BMPER: variants seen among roughly 807,000 people sequenced by gnomAD.
BMPER encodes BMP binding endothelial regulator.
Under a neutral mutation model 87.3 loss-of-function variants are expected in BMPER, and 45 were observed. The observed-to-expected ratio is 0.52, with a 90% CI of 0.41 to 0.66. The LOEUF is 0.66. Among genes scored for constraint, BMPER ranks in the 30% least tolerant of loss-of-function variants. The probability of loss-of-function intolerance (pLI) is 0.00; values close to 1 mark genes in which losing one functional copy is unlikely to be tolerated. For synonymous variants in BMPER, 326 were observed against 316.2 expected (o/e 1.03, Z -0.33); for missense variants, 784 against 867.5 (o/e 0.90, Z 1.21).
At chr7:34,037,782 A>G (rs1474314321) in intron 6 of BMPER, among the ~76,000 whole-genome samples, 2 of 152,236 alleles carry the variant, frequency 1.3e-5, no homozygotes, top group African/African-American at 2.4e-5. Flanking sequence ...GGCGAATAAG[A>G]CGAAAACATT....
intron 2 of BMPER, among the ~76,000 whole-genome samples, chr7:33,927,244 TTC>T (rs1435320157): frequency 1.3e-5 from 2 of 152,188 alleles, no homozygotes; most frequent in African/African-American, 4.8e-5. Flanking sequence ...GTGAAAAATC[TTC>T]TGTTTCATTG....
At position 33,995,638 on chromosome 7, in the gene BMPER, A is replaced by G. The variant is rs79167920; in HGVS notation, c.576+20854A>G. On this transcript the variant is annotated intron_variant, in intron 6 of 14. Transcript: ENST00000649409. ...ATTTGGAAGAGCTTTGAGGTTCTCT[A>G]AGCAGACAGAGACCCCTGCTGTTTT... Among the ~76,000 whole-genome samples the G allele has an allele frequency of 1.8e-3, 276 of 152,314 alleles. 6 individuals carry two copies. In the East Asian group the frequency reaches 0.05, roughly 28 times the overall value.
intron 13 of BMPER, among the ~76,000 whole-genome samples, chr7:34,124,076 G>T (rs548008293): frequency 1.3e-5 from 2 of 152,254 alleles, no homozygotes; most frequent in African/African-American, 4.8e-5. Flanking sequence ...GTTCCTGAAT[G>T]TTGTTGACAT....
intron 6 of BMPER, among the ~76,000 whole-genome samples, chr7:33,979,331 T>C (rs1785780857): frequency 6.6e-6 from 1 of 151,284 alleles, no homozygotes; most frequent in African/African-American, 2.4e-5. Flanking sequence ...TCTTTCCAAG[T>C]CTGTTACCAC....
intron 2 of BMPER, among the ~76,000 whole-genome samples, chr7:33,933,299 A>G (rs1196200462): frequency 2.6e-5 from 4 of 152,216 alleles, no homozygotes; most frequent in African/African-American, 4.8e-5. Context: ...TCGGTTAACT[A>G]TCTTCCTGAA....
chr7:34,151,324 T>A (rs1791170336), intron 14 of BMPER, among the ~76,000 whole-genome samples: 1 of 152,196 alleles, frequency 6.6e-6, no homozygotes. Context: ...AAAATGTGTG[T>A]GCTAGAGATG....
chr7:34,120,930 G>A (rs1220405734), intron 13 of BMPER, among the ~76,000 whole-genome samples: 5 of 151,814 alleles, frequency 3.3e-5, no homozygotes, highest in Admixed American at 6.6e-5. Flanking sequence ...GGAATATCAC[G>A]TATAATTCAT....
At chr7:34,058,253 C>A in intron 10 of BMPER, 90 bp downstream of exon 10, 1 of 1,200,026 alleles carries the variant, frequency 8.3e-7, no homozygotes, top group Non-Finnish European at 1.2e-6. Flanking sequence ...CGAACACAGA[C>A]TCCAGCTCCC....
chr7:34,107,795 G>T (rs1253113346), intron 13 of BMPER, among the ~76,000 whole-genome samples: 1 of 152,078 alleles, frequency 6.6e-6, no homozygotes, highest in Non-Finnish European at 1.5e-5. Flanking sequence ...GGTGTGTTGA[G>T]GTCTGGTGTA....
chr7:33,936,302 G>A (rs573561704), intron 2 of BMPER, among the ~76,000 whole-genome samples: 8 of 152,208 alleles, frequency 5.3e-5, no homozygotes, highest in Non-Finnish European at 7.3e-5. Context: ...GGCACTGGTA[G>A]TGCTTGCTGT....
At chr7:34,103,435 C>A (rs1005631872) in intron 13 of BMPER, among the ~76,000 whole-genome samples, 15 of 152,100 alleles carry the variant, frequency 9.9e-5, no homozygotes, top group Non-Finnish European at 2.1e-4. Flanking sequence ...ACAGGGGGAG[C>A]GATACATTAC....
At chr7:34,120,688 G>C (rs1406400944) in intron 13 of BMPER, among the ~76,000 whole-genome samples, 1 of 152,194 alleles carries the variant, frequency 6.6e-6, no homozygotes, top group African/African-American at 2.4e-5. Context: ...GAGAGCCGCT[G>C]TGCCCGGCCA....
chr7:33,990,225 A>G (rs945590874), intron 6 of BMPER, among the ~76,000 whole-genome samples: 3,934 of 145,840 alleles, frequency 0.027, 86 homozygotes, highest in Non-Finnish European at 0.041. Context: ...CATTTTCATG[A>G]TATTGATTCT....
chr7:34,048,304 G>C lies in BMPER; in HGVS notation c.676+1899G>C, dbSNP rs185062478. ...TCTTCTGCTAACTTCATCTAACAAT[G>C]CTTGCCTTCCTGCTACACACACACA... On this transcript the variant is annotated intron_variant, in intron 7 of 14. Transcript: ENST00000649409. 2.6e-5 allele frequency among the ~76,000 whole-genome samples: 4 copies of C among 152,148 alleles called. No individual in the cohort carries two copies. In the East Asian group the frequency reaches 5.8e-4, roughly 22 times the overall value.
chr7:34,074,692 A>G (rs1432560504), intron 11 of BMPER, among the ~76,000 whole-genome samples: 1 of 152,220 alleles, frequency 6.6e-6, no homozygotes, highest in Non-Finnish European at 1.5e-5. Context: ...GTAGCAAAGT[A>G]TGATGAGCTG....
chr7:34,057,910 ATG>A, intron 9 of BMPER, 147 bp from the exon 10 acceptor site: 1 of 700,048 alleles, frequency 1.4e-6, no homozygotes, highest in East Asian at 2.7e-5. Context: ...AATCAGTTGG[ATG>A]TAGACAGACA....
At chr7:34,109,670 TC>T (rs1789911883) in intron 13 of BMPER, among the ~76,000 whole-genome samples, 1 of 152,202 alleles carries the variant, frequency 6.6e-6, no homozygotes, top group Non-Finnish European at 1.5e-5. Flanking sequence ...CCAGTTAGGC[TC>T]TGAGGGAGAA....
chr7:34,096,654 G>A (rs1333251157), intron 13 of BMPER, among the ~76,000 whole-genome samples: 1 of 152,122 alleles, frequency 6.6e-6, no homozygotes, highest in East Asian at 1.9e-4. Context: ...TGCACACAGA[G>A]ATGGAGCAGT....
chr7:34,011,349 C>G (rs555738066), intron 6 of BMPER, among the ~76,000 whole-genome samples: 1 of 151,416 alleles, frequency 6.6e-6, no homozygotes, highest in South Asian at 2.1e-4. Flanking sequence ...GTAGCAAGGA[C>G]GAGGAATAAT....
Sources: allele counts gnomAD v4.1 joint callset (sites outside exome capture counted in the v4.1 genomes callset), GRCh38; gene constraint gnomAD v4.1.1; transcripts MANE v1.5; gene names NCBI Gene and HGNC (gene_info 2026-07-23, HGNC 2026-07-21).